BCAR3: variants seen among roughly 807,000 people sequenced by gnomAD.
The protein encoded by BCAR3 is BCAR3 adaptor protein, NSP family member.
Under a neutral mutation model 80.1 loss-of-function variants are expected in BCAR3, and 37 were observed. That is an observed-to-expected ratio of 0.46 (90% confidence interval 0.36 to 0.61). The LOEUF (loss-of-function observed/expected upper bound fraction) is 0.61. Among genes scored for constraint, BCAR3 ranks in the 20% least tolerant of loss-of-function variants. The pLI, the probability that BCAR3 is intolerant of heterozygous loss-of-function variation, is 0.00. For missense variants in BCAR3, 978 were observed against 1,068.2 expected, an observed-to-expected ratio of 0.92 and a Z score of 1.18; for synonymous variants, 389 against 418.9, an observed-to-expected ratio of 0.93 and a Z score of 0.87.
chr1:93,650,306 G>C (rs1676282254), intron 2 of BCAR3, among the ~76,000 whole-genome samples: 1 of 152,164 alleles, frequency 6.6e-6, no homozygotes. Context: ...AATGACTTGA[G>C]CCCAGGAGGC....
intron 2 of BCAR3, among the ~76,000 whole-genome samples, chr1:93,766,420 C>T (rs1652151559): frequency 6.6e-6 from 1 of 152,220 alleles, no homozygotes; most frequent in South Asian, 2.1e-4. Context: ...GACTGAGCTA[C>T]CAGGGTCCTT....
At chr1:93,717,441 G>A (rs1650226716) in intron 2 of BCAR3, among the ~76,000 whole-genome samples, 1 of 152,188 alleles carries the variant, frequency 6.6e-6, no homozygotes, top group African/African-American at 2.4e-5. Flanking sequence ...TTGGAGATAA[G>A]AGGCTGGGCG....
At chr1:93,788,970 TCCTCCCTC>T (rs1653044370) in intron 2 of BCAR3, among the ~76,000 whole-genome samples, 1 of 152,034 alleles carries the variant, frequency 6.6e-6, no homozygotes, top group Non-Finnish European at 1.5e-5. Context: ...TTCCCTCCCT[TCCTCCCTC>T]CCTTCCTTTA....
Position 93,592,458 on chromosome 1 carries a change from G to A in BCAR3, c.358-65C>T. ...CCACACCAGGCCATGCCAGCTGGAG[G>A]TGACCGCCTGCTTCACTAATCCAAC... is the stretch of plus-strand genomic sequence containing the variant. On this transcript the variant is annotated intron_variant, in intron 3 of 11. Coordinates refer to ENST00000260502, the MANE Select transcript of BCAR3 (RefSeq NM_003567.4). The surrounding 1 kb of genome is among the most constrained non-coding windows in gnomAD (Gnocchi z 4.8). 6.6e-7 allele frequency: 1 copy of A among 1,511,718 alleles called. No homozygotes were observed. Among genetic ancestry groups the A allele is most frequent in the Non-Finnish European group, 8.8e-7 (1 of 1,138,330 alleles). The allele number at this position is 1,511,718 out of a possible 1,614,324, so 93.6% of individuals were successfully genotyped here. A position where few individuals can be genotyped will look rare whatever the true frequency, so the allele number is the denominator to read the frequency against.
chr1:93,568,799 G>GT (rs554264684), intron 9 of BCAR3, among the ~76,000 whole-genome samples: 112 of 152,268 alleles, frequency 7.4e-4, no homozygotes, highest in Non-Finnish European at 1.3e-3. Flanking sequence ...GATAGCTATA[G>GT]TTTAACTCGT....
At chr1:93,657,675 T>C (rs1385150084) in intron 2 of BCAR3, among the ~76,000 whole-genome samples, 1 of 151,284 alleles carries the variant, frequency 6.6e-6, no homozygotes, top group Non-Finnish European at 1.5e-5. Flanking sequence ...TTTTGAACAT[T>C]GAATTGATGA....
At chr1:93,635,466 G>A (rs182406593) in intron 3 of BCAR3, among the ~76,000 whole-genome samples, 5 of 152,188 alleles carry the variant, frequency 3.3e-5, no homozygotes, top group Admixed American at 1.3e-4. Context: ...TCCACTGAAT[G>A]AGGGAGACTG....
intron 2 of BCAR3, among the ~76,000 whole-genome samples, chr1:93,803,790 G>A (rs150863328): frequency 1.7e-3 from 252 of 152,308 alleles, no homozygotes; most frequent in African/African-American, 5.4e-3. Context: ...CTGAGAAGGC[G>A]TCCCCAGATG....
chr1:93,658,094 C>T (rs1211349586), intron 2 of BCAR3, among the ~76,000 whole-genome samples: 2 of 152,054 alleles, frequency 1.3e-5, no homozygotes, highest in African/African-American at 2.4e-5. Flanking sequence ...GTGCCCACCA[C>T]CACGCCCAGC....
intron 2 of BCAR3, among the ~76,000 whole-genome samples, chr1:93,773,697 A>G (rs148299479): frequency 1.5e-3 from 235 of 152,228 alleles, no homozygotes; most frequent in African/African-American, 5.3e-3. Context: ...ACTGTGTCCA[A>G]AGCTCTGTCC....
chr1:93,825,142 C>T (rs1185300592), intron 2 of BCAR3, among the ~76,000 whole-genome samples: 1 of 134,040 alleles, frequency 7.5e-6, no homozygotes, highest in Non-Finnish European at 1.7e-5. Flanking sequence ...GTTCAGGAGG[C>T]AGTACGCACA....
At chr1:93,580,381 C>G (rs1304648085) in intron 7 of BCAR3, among the ~76,000 whole-genome samples, 1 of 152,150 alleles carries the variant, frequency 6.6e-6, no homozygotes, top group African/African-American at 2.4e-5. Flanking sequence ...GAACCAGCCT[C>G]TTTATATTGA....
In BCAR3 at chr1:93,583,864, C is replaced by T. The variant is rs369560920; in HGVS notation, c.1033+154G>A. Among the ~76,000 whole-genome samples the T allele has an allele frequency of 9.9e-4, 151 of 152,278 alleles. 1 individual carries two copies. Among genetic ancestry groups the T allele is most frequent in the African/African-American group, 3.2e-3 (133 of 41,548 alleles). ...TACGGTGTCTAGCTCAGTGCTTCGC[C>T]GCCGGATATAATTCTGCAAACCCAT... is the stretch of plus-strand genomic sequence containing the variant. On this transcript the variant is annotated intron_variant, in intron 6 of 11. Coordinates refer to ENST00000260502, the MANE Select transcript of BCAR3 (RefSeq NM_003567.4).
chr1:93,724,890 A>C (rs1265041822), intron 2 of BCAR3, among the ~76,000 whole-genome samples: 1 of 152,176 alleles, frequency 6.6e-6, no homozygotes, highest in Non-Finnish European at 1.5e-5. Context: ...TAGCCCTCTA[A>C]ACCATTCTTA....
At chr1:93,698,018 G>A (rs1649482806) in intron 3 of BCAR3, among the ~76,000 whole-genome samples, 1 of 152,178 alleles carries the variant, frequency 6.6e-6, no homozygotes. Context: ...CAAAGAGAGG[G>A]CTAGAAAAGC....
intron 3 of BCAR3, among the ~76,000 whole-genome samples, chr1:93,607,295 C>A (rs1236973722): frequency 6.6e-6 from 1 of 152,028 alleles, no homozygotes; most frequent in South Asian, 2.1e-4. Flanking sequence ...AGATGGGGAC[C>A]AGGAATGAGC....
At chr1:93,718,629 G>A (rs1650271708) in intron 2 of BCAR3, among the ~76,000 whole-genome samples, 2 of 151,358 alleles carry the variant, frequency 1.3e-5, no homozygotes. Flanking sequence ...CCTCCAGGAT[G>A]CTTGGCCATA....
At chr1:93,583,057 G>C in intron 6 of BCAR3, 104 bp from the exon 7 acceptor site, 1 of 1,307,448 alleles carries the variant, frequency 7.6e-7, no homozygotes, top group Non-Finnish European at 1.0e-6. Flanking sequence ...ATGCCCTTGG[G>C]CTTCAATTTT....
In BCAR3 at chr1:93,592,304, C is replaced by T; in HGVS notation, c.447G>A (p.Leu149=). 3 of 1,612,372 alleles carry T rather than the reference C, an allele frequency of 1.9e-6. No individual in the cohort carries two copies. The highest frequency in any genetic ancestry group is 2.5e-6 in the Non-Finnish European group (3 of 1,179,960). The change falls in exon 4 of 12, where the codon CTG becomes CTA. Residue 149 remains leucine, a synonymous_variant. Coordinates refer to ENST00000260502, the MANE Select transcript of BCAR3 (RefSeq NM_003567.4). This position sits in a 1 kb window ranked among gnomAD's most constrained non-coding sequence, Gnocchi z 4.8. ...EEELLLSSED[L]RSHAWYHGRI... Reference sequence around the variant, plus strand: ...GGCCGTGGTACCAGGCATGGCTGCGCAGGTCCTCGCTGCTCAGGAGCAGCT... The same window carrying T: ...GGCCGTGGTACCAGGCATGGCTGCGTAGGTCCTCGCTGCTCAGGAGCAGCT...
Sources: gnomAD v4.1 joint callset for allele counts (sites outside exome capture counted in the v4.1 genomes callset) on GRCh38, gnomAD v4.1.1 for gene constraint, Gnocchi (gnomAD v3.1) non-coding constraint, MANE v1.5 for transcripts, NCBI Gene and HGNC (gene_info 2026-07-23, HGNC 2026-07-21) for gene names.